Variants in ZNF268 observed in about 807,000 individuals in gnomAD.
The protein encoded by ZNF268 is zinc finger protein 3.
In ZNF268, 20 loss-of-function variants were observed where a neutral mutation model predicts 29.3. The ratio of observed to expected loss-of-function variants is 0.68; its 90% CI spans 0.48 to 0.99. The LOEUF is 0.99. ZNF268 is among the 50% of genes least tolerant of loss of function. The pLI, the probability that ZNF268 is intolerant of heterozygous loss-of-function variation, is 0.00. For synonymous variants in ZNF268, 429 were observed against 376.9 expected (o/e 1.14, Z -1.60); for missense variants, 1,240 against 1,121.6 (o/e 1.11, Z -1.51).
chr12:133,192,870 A>T (rs1348963671), intron 5 of ZNF268, among the ~76,000 whole-genome samples: 2 of 152,180 alleles, frequency 1.3e-5, no homozygotes, highest in East Asian at 3.9e-4. Context: ...CACATTAGAC[A>T]GGATGGTCTC....
intron 3 of ZNF268, among the ~76,000 whole-genome samples, chr12:133,190,011 T>C (rs1325041569): frequency 6.6e-6 from 1 of 151,724 alleles, no homozygotes; most frequent in African/African-American, 2.4e-5. Context: ...AGTTTCACCA[T>C]GTTAGCCAGG....
At chr12:133,189,472 C>T (rs1224094503) in intron 3 of ZNF268, among the ~76,000 whole-genome samples, 2 of 152,122 alleles carry the variant, frequency 1.3e-5, no homozygotes, top group African/African-American at 4.8e-5. Context: ...GCCTCGGCCT[C>T]CTAAAATGCT....
intron 5 of ZNF268, chr12:133,193,507 G>A: frequency 1.4e-6 from 1 of 697,996 alleles, no homozygotes; most frequent in South Asian, 1.5e-5. Context: ...CTTCCAAGAT[G>A]ACGCCTTGTT....
chr12:133,203,897 A>T lies in ZNF268; in HGVS notation c.2211A>T (p.Ser737=). The change falls in exon 6 of 6, where the codon TCA becomes TCT. Residue 737 remains serine, a synonymous_variant. Transcript: ENST00000536435. The part of the protein sequence containing the change: ...RECGKSFSFN[S]QLIVHQRIHT... ...GCGGGAAATCCTTTAGTTTCAATTCACAACTCATTGTGCATCAGAGAATTC... is the reference window on the plus strand; with the variant it reads ...GCGGGAAATCCTTTAGTTTCAATTCTCAACTCATTGTGCATCAGAGAATTC... 1 of 1,580,348 alleles carries T rather than the reference A, an allele frequency of 6.3e-7. No homozygotes were observed. The highest frequency in any genetic ancestry group is 8.6e-7 in the Non-Finnish European group (1 of 1,166,140).
chr12:133,208,444 C>G lies in ZNF268; in HGVS notation c.*3914C>G, dbSNP rs1167398126. The G allele has an allele frequency of 6.6e-6, 1 of 152,154 alleles. No individual in the cohort carries two copies. The highest frequency in any genetic ancestry group is 2.1e-4 in the South Asian group (1 of 4,812). The allele number at this position is 152,154 out of a possible 1,614,324, so 9.4% of individuals were successfully genotyped here. On this transcript the variant is annotated 3_prime_UTR_variant, in exon 6 of 6. Transcript: ENST00000536435. ...CTAGGAGGTGGCAGTTGCAGTGAGC[C>G]AAGATTGCACCACTGCACTCCAGGC...
At position 133,189,808 on chromosome 12, in the gene ZNF268, CTGTT is replaced by C. The variant is rs552468325; in HGVS notation, c.235-1671_235-1668del. On this transcript the variant is annotated intron_variant, in intron 3 of 5. Transcript: ENST00000536435. ...ATAGATATGTAATAATTAAGCTTAT[CTGTT>C]TGTTTGTTTTTTTGAGACGGAGTCT... is the stretch of plus-strand genomic sequence containing the variant. Among the ~76,000 whole-genome samples, 82 of 152,072 alleles carry C rather than the reference CTGTT, an allele frequency of 5.4e-4. 2 individuals carry two copies. In the South Asian group the frequency reaches 0.012, roughly 22 times the overall value.
chr12:133,184,268 A>T (rs1403983087), intron 2 of ZNF268, among the ~76,000 whole-genome samples: 4 of 149,482 alleles, frequency 2.7e-5, no homozygotes, highest in African/African-American at 9.8e-5. Context: ...CGCCCAGCTA[A>T]TTTTTTTTTT....
chr12:133,191,421 C>T (rs1593890823), intron 3 of ZNF268, 68 bp from the exon 4 acceptor site: 3 of 1,596,232 alleles, frequency 1.9e-6, no homozygotes, highest in Non-Finnish European at 2.6e-6. Flanking sequence ...TAATGGACAC[C>T]CTAAACAGCT....
rs1956841292 is a variant in ZNF268 at position 133,204,223 on chromosome 12, G to T, written c.2537G>T (p.Ser846Ile). The T allele has an allele frequency of 3.2e-5, 50 of 1,541,530 alleles. No homozygotes were observed. Among genetic ancestry groups the T allele is most frequent in the Non-Finnish European group, 4.4e-5 (50 of 1,147,798 alleles). Residue 846 changes from serine to isoleucine, a missense_variant, in exon 6 of 6, where the codon AGT becomes ATT. Around this residue, in one of 3 missense-constraint regions of ZNF268, gnomAD observed 1,177 missense variants for 1,039.6 expected, o/e 1.13. Transcript: ENST00000536435. Reference protein sequence around the residue: ...YKCSQCEKSFSGKLRLLVHQR... With the variant: ...YKCSQCEKSFIGKLRLLVHQR... ...TGCAGTCAATGTGAGAAATCCTTCA[G>T]TGGGAAATTACGCCTTCTTGTACAC...
In ZNF268 at chr12:133,182,282, C is replaced by G. The variant is rs372515965; in HGVS notation, c.33+252C>G. On this transcript the variant is annotated intron_variant, in intron 2 of 5. Coordinates refer to ENST00000536435, the MANE Select transcript of ZNF268 (RefSeq NM_003415.3). ...GAACTTTGGAGTTAAACAAGGGATA[C>G]TCACACATCTTTCAGTTTTTTCAGC... 2.6e-5 allele frequency among the ~76,000 whole-genome samples: 4 copies of G among 152,358 alleles called. No individual in the cohort carries two copies. In the South Asian group the frequency reaches 8.3e-4, roughly 32 times the overall value.
Position 133,203,819 on chromosome 12 carries a change from T to C in ZNF268, c.2133T>C (p.Leu711=), listed in dbSNP as rs1291110492. 8 of 1,560,378 alleles carry C rather than the reference T, an allele frequency of 5.1e-6. No homozygotes were observed. The highest frequency in any genetic ancestry group is 6.9e-6 in the Non-Finnish European group (8 of 1,159,590). ...AAGCCTTCAGGAGCAAGTCATACCT[T>C]ATTATACATATGAGAACTCATACAG... ...CGKAFRSKSY[L]IIHMRTHTGE... The change falls in exon 6 of 6, where the codon CTT becomes CTC. Residue 711 remains leucine, a synonymous_variant. Transcript: ENST00000536435.
Position 133,205,160 on chromosome 12 carries a change from AAAAAAAAAAAAAAC to A in ZNF268, c.*631_*644del, listed in dbSNP as rs1367328145. 6.7e-4 allele frequency: 85 copies of A among 126,098 alleles called. 4 individuals are homozygous for A. Among genetic ancestry groups the A allele is most frequent in the Admixed American group, 3.4e-3 (39 of 11,616 alleles). The allele number at this position is 126,098 out of a possible 1,614,324, so 7.8% of individuals were successfully genotyped here. A position where few individuals can be genotyped will look rare whatever the true frequency, so the allele number is the denominator to read the frequency against. On this transcript the variant is annotated 3_prime_UTR_variant, in exon 6 of 6. Coordinates refer to ENST00000536435, the MANE Select transcript of ZNF268 (RefSeq NM_003415.3). Reference sequence around the variant, plus strand: ...GCTTCATTCTAAAAAAAAAAAAAAAAAAAAAAAAAAAAACCAACCTGTTATTATATCTTAATATT... The same window carrying A: ...GCTTCATTCTAAAAAAAAAAAAAAAACAACCTGTTATTATATCTTAATATT...
rs773674053 is a variant in ZNF268, at chr12:133,182,046, C to T, written c.33+16C>T. Reference sequence around the variant, plus strand: ...TTCTATTTGGGTGAGTAGGGGTTTTCTTTCATTCTTGAAAAGCTCTCCCTG... The same window carrying T: ...TTCTATTTGGGTGAGTAGGGGTTTTTTTTCATTCTTGAAAAGCTCTCCCTG... On this transcript the variant is annotated intron_variant, in intron 2 of 5. Coordinates refer to ENST00000536435, the MANE Select transcript of ZNF268 (RefSeq NM_003415.3). 5 of 1,556,144 alleles carry T rather than the reference C, an allele frequency of 3.2e-6. No individual in the cohort carries two copies. Among genetic ancestry groups the T allele is most frequent in the Non-Finnish European group, 3.5e-6 (4 of 1,149,480 alleles).
At chr12:133,191,701 C>T in intron 4 of ZNF268, 86 bp downstream of exon 4, 1 of 1,570,308 alleles carries the variant, frequency 6.4e-7, no homozygotes, top group Non-Finnish European at 8.7e-7. Flanking sequence ...CTATGAAATA[C>T]TTAGTGATTT....
chr12:133,211,893 G>A lies in ZNF268; in HGVS notation c.*7363G>A, dbSNP rs1956988406. 6.6e-6 allele frequency: 1 copy of A among 152,158 alleles called. No individual in the cohort carries two copies. Among genetic ancestry groups the A allele is most frequent in the Non-Finnish European group, 1.5e-5 (1 of 68,034 alleles). The allele number at this position is 152,158 out of a possible 1,614,324, so 9.4% of individuals were successfully genotyped here. A position where few individuals can be genotyped will look rare whatever the true frequency, so the allele number is the denominator to read the frequency against. ...TTTAGATAACTGCTTTGAAAACATA[G>A]GAGTTTGATCTAAACAAAACCCAGC... On this transcript the variant is annotated 3_prime_UTR_variant, in exon 6 of 6. Transcript: ENST00000536435.
rs2135521447 is a variant in ZNF268, at chr12:133,202,550, GTCATACCTTCTAGTGCA to G, written c.868_884del (p.Tyr290AlafsTer12). 6.2e-7 allele frequency: 1 copy of G among 1,611,268 alleles called. No individual in the cohort carries two copies. The highest frequency in any genetic ancestry group is 2.2e-5 in the East Asian group (1 of 44,810). On this transcript the variant is annotated frameshift_variant, in exon 6 of 6. Coordinates refer to ENST00000536435, the MANE Select transcript of ZNF268 (RefSeq NM_003415.3). LOFTEE classifies it low-confidence loss of function (END_TRUNC). Reference sequence around the variant, plus strand: ...GTTGTGAGAAAGCCTTCAGCAGCAAGTCATACCTTCTAGTGCATCAGCAAACTCATGCCGAAGAGAAA... The same window carrying G: ...GTTGTGAGAAAGCCTTCAGCAGCAAGTCAGCAAACTCATGCCGAAGAGAAA...
At chr12:133,181,864 C>A in intron 1 of ZNF268, 82 bp from the exon 2 acceptor site, 1 of 862,664 alleles carries the variant, frequency 1.2e-6, no homozygotes, top group South Asian at 1.5e-5. Flanking sequence ...GAATGGCAGG[C>A]AGCCCTGGTG....
Position 133,211,401 on chromosome 12 carries a change from G to C in ZNF268, c.*6871G>C. 4.1e-6 allele frequency: 1 copy of C among 243,216 alleles called. No homozygotes were observed. Among genetic ancestry groups the C allele is most frequent in the Non-Finnish European group, 8.3e-6 (1 of 120,850 alleles). 15.1% of individuals were successfully genotyped at this position (243,216 alleles called of 1,614,324 possible). ...GTTCGAGACCAGCCTGACCAACATG[G>C]AGAAACCCTGTCTCTACTAAAAATA... On this transcript the variant is annotated 3_prime_UTR_variant, in exon 6 of 6. Coordinates refer to ENST00000536435, the MANE Select transcript of ZNF268 (RefSeq NM_003415.3).
chr12:133,199,185 C>T (rs1326626837), intron 5 of ZNF268, among the ~76,000 whole-genome samples: 1 of 152,146 alleles, frequency 6.6e-6, no homozygotes, highest in Non-Finnish European at 1.5e-5. Flanking sequence ...TCATAGATAG[C>T]TCTTATTATT....
Sources: allele counts gnomAD v4.1 joint callset (sites outside exome capture counted in the v4.1 genomes callset), GRCh38; gene constraint gnomAD v4.1.1; regional missense constraint gnomAD v4.1.1; transcripts MANE v1.5; gene names NCBI Gene and HGNC (gene_info 2026-07-23, HGNC 2026-07-21).